Variants in CCSER1 observed in about 807,000 individuals in gnomAD.
CCSER1 encodes the protein serine-rich coiled-coil domain-containing protein 1.
CCSER1 carries 41 observed loss-of-function variants against 82.0 expected under a neutral mutation model. The observed-to-expected ratio is 0.50, with a 90% CI of 0.39 to 0.65. The LOEUF is 0.65. Among genes scored for constraint, CCSER1 ranks in the 30% least tolerant of loss-of-function variants. The pLI, the probability that CCSER1 is intolerant of heterozygous loss-of-function variation, is 0.00. For missense variants in CCSER1, 1,119 were observed against 1,064.2 expected, an observed-to-expected ratio of 1.05 and a Z score of -0.72; for synonymous variants, 414 against 383.9, an observed-to-expected ratio of 1.08 and a Z score of -0.92.
intron 3 of CCSER1, among the ~76,000 whole-genome samples, chr4:90,382,149 T>C (rs893452632): frequency 2.6e-5 from 4 of 152,106 alleles, no homozygotes; most frequent in African/African-American, 9.7e-5. Context: ...AAAATCTTTA[T>C]ATCAAATAGG....
At chr4:90,867,899 AG>A (rs1274384329) in intron 8 of CCSER1, among the ~76,000 whole-genome samples, 1 of 152,050 alleles carries the variant, frequency 6.6e-6, no homozygotes, top group Non-Finnish European at 1.5e-5. Flanking sequence ...GTGGCTGAGT[AG>A]TACTCATTGT....
chr4:90,491,491 A>G (rs1448066263), intron 5 of CCSER1, among the ~76,000 whole-genome samples: 1 of 152,098 alleles, frequency 6.6e-6, no homozygotes, highest in Non-Finnish European at 1.5e-5. Flanking sequence ...CTCTTTTCCT[A>G]ATTGAATACC....
intron 3 of CCSER1, among the ~76,000 whole-genome samples, chr4:90,396,725 A>G (rs779622968): frequency 1.3e-4 from 19 of 151,884 alleles, no homozygotes; most frequent in Non-Finnish European, 5.9e-5. Flanking sequence ...ACAGCCACTA[A>G]TTTTTTTCTT....
At chr4:90,879,617 AG>A (rs1720967251) in intron 8 of CCSER1, among the ~76,000 whole-genome samples, 2 of 151,250 alleles carry the variant, frequency 1.3e-5, no homozygotes, top group Non-Finnish European at 2.9e-5. Flanking sequence ...GAGGAGGAGG[AG>A]GAGGAGGAGG....
chr4:90,947,610 A>T (rs1732412853), intron 9 of CCSER1, among the ~76,000 whole-genome samples: 1 of 152,170 alleles, frequency 6.6e-6, no homozygotes, highest in South Asian at 2.1e-4. Flanking sequence ...TATTTTAACT[A>T]TTAAAACAGT....
At chr4:91,538,253 C>T (rs1211662565) in intron 10 of CCSER1, among the ~76,000 whole-genome samples, 1 of 151,990 alleles carries the variant, frequency 6.6e-6, no homozygotes, top group Non-Finnish European at 1.5e-5. Context: ...TGTTACTTAA[C>T]TATAATATTA....
At chr4:90,175,625 A>G (rs1732519721) in intron 1 of CCSER1, among the ~76,000 whole-genome samples, 1 of 152,060 alleles carries the variant, frequency 6.6e-6, no homozygotes, top group Admixed American at 6.6e-5. Context: ...CAAATATTAA[A>G]AAATCTGAAA....
chr4:90,892,200 T>C lies in CCSER1; in HGVS notation c.2095-31170T>C, dbSNP rs1390035996. On this transcript the variant is annotated intron_variant, in intron 8 of 10. Transcript: ENST00000509176. ...ATTGCTACACATGGGTAGAGTTTTT[T>C]TGATAATTAAGAAAGGCTTATTTTT... Among the ~76,000 whole-genome samples the C allele has an allele frequency of 3.3e-5, 5 of 152,086 alleles. No individual in the cohort carries two copies. The East Asian group carries it at 7.7e-4, about 23-fold the overall frequency.
intron 7 of CCSER1, among the ~76,000 whole-genome samples, chr4:90,778,432 G>A (rs1467903505): frequency 1.3e-5 from 2 of 151,660 alleles, no homozygotes; most frequent in African/African-American, 2.4e-5. Flanking sequence ...TTGGATGACT[G>A]CAAGTAAGCC....
chr4:91,135,496 T>G (rs1005377245), intron 10 of CCSER1, among the ~76,000 whole-genome samples: 3 of 152,242 alleles, frequency 2.0e-5, no homozygotes, highest in Non-Finnish European at 2.9e-5. Context: ...GGAATTGTTT[T>G]TGATGTTCAT....
At chr4:91,040,627 T>G (rs1741881056) in intron 9 of CCSER1, among the ~76,000 whole-genome samples, 1 of 152,156 alleles carries the variant, frequency 6.6e-6, no homozygotes, top group Admixed American at 6.6e-5. Flanking sequence ...TTGAGGCTCA[T>G]CAGTGGGATG....
intron 10 of CCSER1, among the ~76,000 whole-genome samples, chr4:91,575,149 A>T (rs767184440): frequency 9.9e-5 from 15 of 152,040 alleles, no homozygotes; most frequent in Non-Finnish European, 2.1e-4. Flanking sequence ...TGTTGGGAAA[A>T]CTGAATATCC....
chr4:90,756,200 C>A (rs74766278), intron 7 of CCSER1, among the ~76,000 whole-genome samples: 40,522 of 152,028 alleles, frequency 0.27, 6,003 homozygotes, highest in East Asian at 0.34. Flanking sequence ...TGCACTCCAG[C>A]CTGGGTGACA....
At chr4:90,461,360 C>T (rs1188060665) in intron 4 of CCSER1, among the ~76,000 whole-genome samples, 2 of 117,184 alleles carry the variant, frequency 1.7e-5, no homozygotes, top group Non-Finnish European at 3.4e-5. Flanking sequence ...AGCCACCGCG[C>T]CCGGCCCGGC....
At chr4:90,520,896 GA>G (rs1773028523) in intron 5 of CCSER1, among the ~76,000 whole-genome samples, 1 of 152,158 alleles carries the variant, frequency 6.6e-6, no homozygotes, top group African/African-American at 2.4e-5. Flanking sequence ...AACGGAGTGA[GA>G]CCCCATCTTG....
At chr4:91,593,467 C>CTTTTTTTTTTTTTTTTTTTTTT (rs753973015) in intron 10 of CCSER1, among the ~76,000 whole-genome samples, 15 of 55,044 alleles carry the variant, frequency 2.7e-4, no homozygotes, top group Middle Eastern at 0.019. Flanking sequence ...CAACCCCGTG[C>CTTTTTTTTTTTTTTTTTTTTTT]TTTTTTTTTT....
At chr4:91,482,453 G>A (rs1431772020) in intron 10 of CCSER1, among the ~76,000 whole-genome samples, 4 of 150,606 alleles carry the variant, frequency 2.7e-5, no homozygotes, top group Admixed American at 2.6e-4. Context: ...AACAGGTGCT[G>A]GAGAGGATGT....
At chr4:90,331,321 A>C (rs1018458795) in intron 3 of CCSER1, among the ~76,000 whole-genome samples, 1 of 152,202 alleles carries the variant, frequency 6.6e-6, no homozygotes, top group Non-Finnish European at 1.5e-5. Context: ...CTTAATGTCC[A>C]CCTAATGGAC....
At chr4:91,457,866 C>A (rs1756277690) in intron 10 of CCSER1, among the ~76,000 whole-genome samples, 1 of 151,986 alleles carries the variant, frequency 6.6e-6, no homozygotes, top group South Asian at 2.1e-4. Flanking sequence ...TTCATAAGTT[C>A]TTTGAAATAG....
Sources: allele counts gnomAD v4.1 joint callset (sites outside exome capture counted in the v4.1 genomes callset), GRCh38; gene constraint gnomAD v4.1.1; transcripts MANE v1.5; gene names NCBI Gene and HGNC (gene_info 2026-07-23, HGNC 2026-07-21).